The following INO80D variants were observed in gnomAD, a reference collection of about 807,000 sequenced individuals.
INO80D encodes INO80 complex subunit D.
Under a neutral mutation model 87.6 loss-of-function variants are expected in INO80D, and 21 were observed. That is an observed-to-expected ratio of 0.24 (90% CI 0.17 to 0.35). INO80D has a LOEUF of 0.35. INO80D is among the 10% of genes least tolerant of loss of function. The pLI is 1.00. For missense variants in INO80D, 982 were observed against 1,280.7 expected (o/e 0.77, Z 3.56); for synonymous variants, 440 against 491.0 (o/e 0.90, Z 1.37).
At chr2:206,069,214 C>A (rs1161843207) in intron 1 of INO80D, among the ~76,000 whole-genome samples, 1 of 152,012 alleles carries the variant, frequency 6.6e-6, no homozygotes, top group African/African-American at 2.4e-5. Context: ...GACAGTAAGA[C>A]CAACCCCTTC....
In INO80D at chr2:206,075,681, G is replaced by A. The variant is rs868848907; in HGVS notation, c.-124+10220C>T. Among the ~76,000 whole-genome samples the A allele has an allele frequency of 8.1e-4, 123 of 151,440 alleles. 1 individual carries two copies. The highest frequency in any genetic ancestry group is 3.4e-3 in the Middle Eastern group (1 of 294). ...TCAAACTCCTGACATCAAGTGATCC[G>A]CCCACCTCGGCCTCCCAAAGTGCTG... On this transcript the variant is annotated intron_variant, in intron 1 of 10. Coordinates refer to ENST00000403263, the MANE Select transcript of INO80D (RefSeq NM_017759.5).
chr2:206,061,154 G>C (rs1015080771), intron 3 of INO80D, among the ~76,000 whole-genome samples: 3 of 152,008 alleles, frequency 2.0e-5, no homozygotes, highest in African/African-American at 7.3e-5. Context: ...TGGGACTCTA[G>C]GCGTGTACCA....
At chr2:206,008,280 T>TG (rs1688080858) in intron 9 of INO80D, among the ~76,000 whole-genome samples, 2 of 121,472 alleles carry the variant, frequency 1.6e-5, no homozygotes, top group South Asian at 6.8e-4. Context: ...CACCATGCCT[T>TG]GCTTTTTTTT....
Position 206,004,830 on chromosome 2 carries a change from G to C in INO80D, c.2622C>G (p.Thr874=), listed in dbSNP as rs768439432. 6.2e-7 allele frequency: 1 copy of C among 1,614,030 alleles called. No homozygotes were observed. The highest frequency in any genetic ancestry group is 1.1e-5 in the South Asian group (1 of 91,084). The change falls in exon 11 of 11, where the codon ACC becomes ACG. Residue 874 remains threonine, a synonymous_variant. Coordinates refer to ENST00000403263, the MANE Select transcript of INO80D (RefSeq NM_017759.5). This position sits in a 1 kb window ranked among gnomAD's most constrained non-coding sequence, Gnocchi z 4.9. Reference sequence around the variant, plus strand: ...CGCCTCCAAGTGGCACCTCAAGTTGGGTTGGGAGCAAGTGCTGCGCCATGA... The same window carrying C: ...CGCCTCCAAGTGGCACCTCAAGTTGCGTTGGGAGCAAGTGCTGCGCCATGA... ...MPIMAQHLLP[T]QLEVPLGGVV...
At chr2:206,067,511 C>T (rs931055437) in intron 1 of INO80D, among the ~76,000 whole-genome samples, 2 of 152,012 alleles carry the variant, frequency 1.3e-5, no homozygotes, top group Admixed American at 6.6e-5. Flanking sequence ...GATGGCTGTT[C>T]TAATTACCCT....
intron 4 of INO80D, among the ~76,000 whole-genome samples, chr2:206,054,825 T>G (rs997913956): frequency 2.0e-5 from 3 of 152,176 alleles, no homozygotes; most frequent in African/African-American, 7.2e-5. Flanking sequence ...ATTTTTGTTT[T>G]TTTAGAGACA....
rs1030286238 is a variant in INO80D at position 206,063,196 on chromosome 2, A to C, written c.-75T>G. 3.3e-6 allele frequency: 2 copies of C among 607,122 alleles called. No homozygotes were observed. The highest frequency in any genetic ancestry group is 5.7e-6 in the Non-Finnish European group (2 of 349,358). The allele number at this position is 607,122 out of a possible 1,614,324, so 37.6% of individuals were successfully genotyped here. A position where few individuals can be genotyped will look rare whatever the true frequency, so the allele number is the denominator to read the frequency against. On this transcript the variant is annotated 5_prime_UTR_variant, in exon 2 of 11. Coordinates refer to ENST00000403263, the MANE Select transcript of INO80D (RefSeq NM_017759.5). ...CCATAGCAATGTTAAGAGAACCCCC[A>C]AGGATACCACAGTTTGGAATGCCGC...
intron 4 of INO80D, among the ~76,000 whole-genome samples, chr2:206,050,788 G>A (rs1384163962): frequency 1.3e-5 from 2 of 151,810 alleles, no homozygotes; most frequent in Non-Finnish European, 2.9e-5. Context: ...CTAACACGGT[G>A]AAACCCCCGT....
chr2:206,050,496 GAAAA>G (rs3079265), intron 4 of INO80D, among the ~76,000 whole-genome samples: 9 of 99,576 alleles, frequency 9.0e-5, no homozygotes, highest in African/African-American at 4.3e-4. Flanking sequence ...CGTCTCAAAA[GAAAA>G]AAAAAAAAAA....
rs1027016361 is a variant in INO80D, at chr2:206,002,980, C to T, written c.*1388G>A. 1 of 152,104 alleles carries T rather than the reference C, an allele frequency of 6.6e-6. No homozygotes were observed. The highest frequency in any genetic ancestry group is 1.5e-5 in the Non-Finnish European group (1 of 68,016). The allele number at this position is 152,104 out of a possible 1,614,324, so 9.4% of individuals were successfully genotyped here. On this transcript the variant is annotated 3_prime_UTR_variant, in exon 11 of 11. Transcript: ENST00000403263. Reference sequence around the variant, plus strand: ...GAAAAAAGGTAGGCAAGAAACCTCACAAATTCATCTCATAGTCACAAACTT... The same window carrying T: ...GAAAAAAGGTAGGCAAGAAACCTCATAAATTCATCTCATAGTCACAAACTT...
chr2:206,056,572 G>A lies in INO80D; in HGVS notation c.590C>T (p.Pro197Leu), dbSNP rs1382180599. 2.5e-6 allele frequency: 4 copies of A among 1,612,224 alleles called. No homozygotes were observed. In the African/African-American group the frequency reaches 5.3e-5, roughly 22 times the overall value. The change falls in exon 4 of 11, where the codon CCT (proline) becomes CTT (leucine). Residue 197 changes from proline to leucine, a missense_variant. Transcript: ENST00000403263. ...LKVRQEHFSP[P>L]PAPSQQQPPQ... is the part of the protein sequence containing the mutation. ...AGGCTGCTGCTGTGAAGGTGCAGGA[G>A]GGGGACTAAAGTGCTCTTGTCGAAC... is the stretch of plus-strand genomic sequence containing the variant.
rs535592730 is a variant in INO80D, at chr2:206,002,109, T to C, written c.*2259A>G. 3.9e-5 allele frequency: 6 copies of C among 152,290 alleles called. No individual in the cohort carries two copies. The highest frequency in any genetic ancestry group is 1.4e-4 in the African/African-American group (6 of 41,546). The allele number at this position is 152,290 out of a possible 1,614,324, so 9.4% of individuals were successfully genotyped here. ...CAAAGGGCTGATGAGGAAGTCAATG[T>C]GCTGCTCTGCGACAACCTTTAAATA... On this transcript the variant is annotated 3_prime_UTR_variant, in exon 11 of 11. Transcript: ENST00000403263.
chr2:206,072,047 T>A (rs1424921225), intron 1 of INO80D, among the ~76,000 whole-genome samples: 4 of 152,098 alleles, frequency 2.6e-5, no homozygotes, highest in Non-Finnish European at 5.9e-5. Context: ...GCCCCACCTC[T>A]CCTGCCACTC....
At chr2:206,071,481 A>T (rs1689970923) in intron 1 of INO80D, among the ~76,000 whole-genome samples, 1 of 137,500 alleles carries the variant, frequency 7.3e-6, no homozygotes, top group Non-Finnish European at 1.5e-5. Flanking sequence ...TTTCTGCTTG[A>T]TTTATTCTCC....
chr2:206,014,790 G>A (rs1231673129), intron 8 of INO80D, among the ~76,000 whole-genome samples: 2 of 152,172 alleles, frequency 1.3e-5, no homozygotes, highest in African/African-American at 4.8e-5. Context: ...GCAGAGGCTG[G>A]AACAGTTTGG....
In INO80D at chr2:205,998,548, A is replaced by G. The variant is rs553566652; in HGVS notation, c.*5820T>C. 1.3e-5 allele frequency: 2 copies of G among 152,114 alleles called. No homozygotes were observed. Among genetic ancestry groups the G allele is most frequent in the African/African-American group, 2.4e-5 (1 of 41,530 alleles). 9.4% of individuals were successfully genotyped at this position (152,114 alleles called of 1,614,324 possible). Reference sequence around the variant, plus strand: ...TCGATACAGCTTTAGTATAAAACTTATAATTTATGAGGTGATGTTAATAGC... The same window carrying G: ...TCGATACAGCTTTAGTATAAAACTTGTAATTTATGAGGTGATGTTAATAGC... On this transcript the variant is annotated 3_prime_UTR_variant, in exon 11 of 11. Coordinates refer to ENST00000403263, the MANE Select transcript of INO80D (RefSeq NM_017759.5).
At chr2:206,057,712 G>A (rs1689561990) in intron 3 of INO80D, among the ~76,000 whole-genome samples, 1 of 151,978 alleles carries the variant, frequency 6.6e-6, no homozygotes, top group Admixed American at 6.6e-5. Flanking sequence ...CAATAAGCAA[G>A]TATACTGCTT....
Position 206,013,628 on chromosome 2 carries a change from T to G in INO80D, c.1543-3834A>C, listed in dbSNP as rs554380435. 2.3e-4 allele frequency among the ~76,000 whole-genome samples: 35 copies of G among 151,862 alleles called. 1 individual carries two copies. The highest frequency in any genetic ancestry group is 8.4e-4 in the African/African-American group (35 of 41,444). On this transcript the variant is annotated intron_variant, in intron 8 of 10. Coordinates refer to ENST00000403263, the MANE Select transcript of INO80D (RefSeq NM_017759.5). Reference sequence around the variant, plus strand: ...TCCTAAAGCAGACACTGAAGTACAGTTTTTTCTACTTAACAGTATCTTCCT... The same window carrying G: ...TCCTAAAGCAGACACTGAAGTACAGGTTTTTCTACTTAACAGTATCTTCCT...
rs192750788 is a variant in INO80D at position 206,062,105 on chromosome 2, G to C, written c.218+694C>G. ...AATTCCACTCTTTTCTAAATTTAGC[G>C]AAGCATAAACTCATCATTCTAGTGG... is the stretch of plus-strand genomic sequence containing the variant. On this transcript the variant is annotated intron_variant, in intron 3 of 10. Transcript: ENST00000403263. The surrounding 1 kb of genome is among the most constrained non-coding windows in gnomAD (Gnocchi z 4.6). Among the ~76,000 whole-genome samples the C allele has an allele frequency of 2.0e-4, 30 of 152,238 alleles. 1 individual carries two copies. In the East Asian group the frequency reaches 5.6e-3, roughly 28 times the overall value.
Sources: gnomAD v4.1 joint callset for allele counts (sites outside exome capture counted in the v4.1 genomes callset) on GRCh38, gnomAD v4.1.1 for gene constraint, Gnocchi (gnomAD v3.1) non-coding constraint, MANE v1.5 for transcripts, NCBI Gene and HGNC (gene_info 2026-07-23, HGNC 2026-07-21) for gene names.